The following CRABP1 variants were observed in gnomAD, a reference collection of about 807,000 sequenced individuals.
CRABP1 encodes the protein cellular retinoic acid-binding protein 1.
In CRABP1, 9 loss-of-function variants were observed where a neutral mutation model predicts 16.4. The observed-to-expected ratio is 0.55, with a 90% CI of 0.33 to 0.96. CRABP1 has a LOEUF of 0.96. CRABP1 is among the 40% of genes least tolerant of loss of function. The pLI, the probability that CRABP1 is intolerant of heterozygous loss-of-function variation, is 0.03. For synonymous variants in CRABP1, 72 were observed against 70.4 expected (o/e 1.02, Z -0.11); for missense variants, 157 against 186.0 (o/e 0.84, Z 0.91).
intron 3 of CRABP1, among the ~76,000 whole-genome samples, chr15:78,344,015 G>C (rs754873644): frequency 1.3e-5 from 2 of 152,084 alleles, no homozygotes; most frequent in Non-Finnish European, 2.9e-5. Context: ...GCTGGAAAAG[G>C]TTTCAGTAAT....
At chr15:78,340,836 C>G in intron 1 of CRABP1, 1 of 629,970 alleles carries the variant, frequency 1.6e-6, no homozygotes, top group Non-Finnish European at 2.7e-6. Context: ...GGACCAGGCT[C>G]TGCCACGAAT....
chr15:78,345,972 CAG>C (rs1401631365), intron 3 of CRABP1, among the ~76,000 whole-genome samples: 1 of 152,194 alleles, frequency 6.6e-6, no homozygotes, highest in Non-Finnish European at 1.5e-5. Context: ...GAATATTCTA[CAG>C]AGAGTTTCTG....
chr15:78,344,749 C>CA (rs34209403), intron 3 of CRABP1, among the ~76,000 whole-genome samples: 30,040 of 96,692 alleles, frequency 0.31, 4,137 homozygotes, highest in Non-Finnish European at 0.43. Flanking sequence ...CCTATCTCTA[C>CA]AAAAAAAAAA....
Position 78,341,123 on chromosome 15 carries a change from T to G in CRABP1, c.151T>G (p.Phe51Val). Residue 51 changes from phenylalanine to valine, a missense_variant, in exon 2 of 4, where the codon TTC becomes GTC. Phe to Val is a conservative substitution (Grantham distance 50). Transcript: ENST00000299529. The surrounding 1 kb of genome is among the most constrained non-coding windows in gnomAD (Gnocchi z 5.3). ...HVEIRQDGDQ[F>V]YIKTSTTVRT... ...GGAGATCCGCCAGGACGGGGATCAG[T>G]TCTACATCAAGACATCCACCACGGT... 1 of 1,612,974 alleles carries G rather than the reference T, an allele frequency of 6.2e-7. No individual in the cohort carries two copies. Among genetic ancestry groups the G allele is most frequent in the South Asian group, 1.1e-5 (1 of 90,850 alleles).
chr15:78,342,338 T>C (rs1055740464), intron 2 of CRABP1, among the ~76,000 whole-genome samples: 13 of 151,782 alleles, frequency 8.6e-5, no homozygotes, highest in African/African-American at 2.9e-4. Context: ...TCTGGGGACA[T>C]CCAATGTTGG....
rs771231433 is a variant in CRABP1 at position 78,341,034 on chromosome 15, C to G, written c.71-9C>G. ...CCCGTGACCCAAGCCTGTGGTGCAC[C>G]CTGCGCAGGTGTGAACGCCATGCTG... On this transcript the variant is annotated splice_polypyrimidine_tract_variant and intron_variant, in intron 1 of 3. Coordinates refer to ENST00000299529, the MANE Select transcript of CRABP1 (RefSeq NM_004378.3). The surrounding 1 kb of genome is among the most constrained non-coding windows in gnomAD (Gnocchi z 5.3). 1 of 1,603,764 alleles carries G rather than the reference C, an allele frequency of 6.2e-7. No homozygotes were observed. The highest frequency in any genetic ancestry group is 2.2e-5 in the East Asian group (1 of 44,804).
chr15:78,346,763 A>G (rs1210906764), intron 3 of CRABP1, among the ~76,000 whole-genome samples: 1 of 152,202 alleles, frequency 6.6e-6, no homozygotes. Context: ...ATGTTTTAGC[A>G]TATGTTCTCT....
Position 78,341,031 on chromosome 15 carries a change from C to T in CRABP1, c.71-12C>T, listed in dbSNP as rs746774201. ...GGCCCCGTGACCCAAGCCTGTGGTG[C>T]ACCCTGCGCAGGTGTGAACGCCATG... On this transcript the variant is annotated splice_polypyrimidine_tract_variant and intron_variant, in intron 1 of 3. Transcript: ENST00000299529. The surrounding 1 kb of genome is among the most constrained non-coding windows in gnomAD (Gnocchi z 5.3). 2 of 1,601,618 alleles carry T rather than the reference C, an allele frequency of 1.2e-6. No homozygotes were observed. Among genetic ancestry groups the T allele is most frequent in the Admixed American group, 3.3e-5 (2 of 59,784 alleles).
intron 2 of CRABP1, among the ~76,000 whole-genome samples, chr15:78,342,711 A>T (rs1411274269): frequency 6.6e-6 from 1 of 152,232 alleles, no homozygotes; most frequent in Non-Finnish European, 1.5e-5. Context: ...ACCGAGGTTT[A>T]TCAGTGCAGG....
chr15:78,342,839 C>T (rs181459389), intron 2 of CRABP1, among the ~76,000 whole-genome samples: 1 of 152,280 alleles, frequency 6.6e-6, no homozygotes, highest in Admixed American at 6.5e-5. Flanking sequence ...GGTGTCTTAA[C>T]TGTTGTCAAA....
At chr15:78,342,783 G>A (rs2050242120) in intron 2 of CRABP1, among the ~76,000 whole-genome samples, 1 of 152,180 alleles carries the variant, frequency 6.6e-6, no homozygotes, top group Non-Finnish European at 1.5e-5. Context: ...ATCCATGCAG[G>A]GAATCGTGCT....
At chr15:78,344,454 T>C (rs2050254015) in intron 3 of CRABP1, among the ~76,000 whole-genome samples, 1 of 72,208 alleles carries the variant, frequency 1.4e-5, no homozygotes, top group African/African-American at 7.2e-5. Flanking sequence ...AGACTCTGTC[T>C]CTAAAAAAAA....
Position 78,348,071 on chromosome 15 carries a change from C to A in CRABP1, c.*94C>A. On this transcript the variant is annotated 3_prime_UTR_variant, in exon 4 of 4. Transcript: ENST00000299529. ...AGCTGCCAGTGGACCGCCCTTTTCC[C>A]CTACCAATATTAGGTGATCCCGTTT... is the stretch of plus-strand genomic sequence containing the variant. 8.3e-7 allele frequency: 1 copy of A among 1,205,178 alleles called. No homozygotes were observed. The highest frequency in any genetic ancestry group is 1.2e-6 in the Non-Finnish European group (1 of 826,076). The allele number at this position is 1,205,178 out of a possible 1,614,324, so 74.7% of individuals were successfully genotyped here. A position where few individuals can be genotyped will look rare whatever the true frequency, so the allele number is the denominator to read the frequency against.
chr15:78,342,125 AC>A (rs1311870633), intron 2 of CRABP1, among the ~76,000 whole-genome samples: 2 of 152,046 alleles, frequency 1.3e-5, no homozygotes, highest in African/African-American at 4.8e-5. Context: ...GCTTGGAAGG[AC>A]AAAGAAACAA....
intron 2 of CRABP1, among the ~76,000 whole-genome samples, chr15:78,342,498 A>C (rs1342935453): frequency 1.3e-5 from 2 of 151,924 alleles, no homozygotes; most frequent in Non-Finnish European, 2.9e-5. Flanking sequence ...GATTATGTGC[A>C]CATTCAGCTC....
At chr15:78,344,654 G>C (rs1179946641) in intron 3 of CRABP1, among the ~76,000 whole-genome samples, 9 of 151,238 alleles carry the variant, frequency 6.0e-5, no homozygotes, top group Admixed American at 1.3e-4. Flanking sequence ...ACTGGGCTGG[G>C]ATTGGTGGCT....
rs191584093 is a variant in CRABP1 at position 78,345,986 on chromosome 15, C to T, written c.364-1941C>T. ...GGAATATTCTACAGAGAGTTTCTGT[C>T]GGGAACCTCTAAGCATAGTTTGCAG... is the stretch of plus-strand genomic sequence containing the variant. On this transcript the variant is annotated intron_variant, in intron 3 of 3. Transcript: ENST00000299529. Among the ~76,000 whole-genome samples the T allele has an allele frequency of 1.4e-3, 216 of 152,250 alleles. 1 individual carries two copies. Among genetic ancestry groups the T allele is most frequent in the African/African-American group, 5.1e-3 (212 of 41,552 alleles).
At chr15:78,344,316 C>A (rs879762301) in intron 3 of CRABP1, among the ~76,000 whole-genome samples, 1 of 152,040 alleles carries the variant, frequency 6.6e-6, no homozygotes, top group Non-Finnish European at 1.5e-5. Context: ...CAAAATTAGC[C>A]GGGCGTGGTG....
intron 3 of CRABP1, among the ~76,000 whole-genome samples, chr15:78,344,819 A>G (rs11072754): frequency 0.63 from 95,581 of 150,820 alleles, 30,548 homozygotes; most frequent in Non-Finnish European, 0.68. Flanking sequence ...CGGAGGCTGA[A>G]GTGGGAGGAT....
Sources: allele counts gnomAD v4.1 joint callset (sites outside exome capture counted in the v4.1 genomes callset), GRCh38; gene constraint gnomAD v4.1.1; non-coding constraint Gnocchi (gnomAD v3.1); transcripts MANE v1.5; gene names NCBI Gene and HGNC (gene_info 2026-07-23, HGNC 2026-07-21).